Variants in ITGB1 observed in about 807,000 individuals in gnomAD.
ITGB1 encodes integrin subunit beta 1, also known as integrin beta-1.
A neutral mutation model predicts 86.5 loss-of-function variants in ITGB1; 24 were observed. The observed-to-expected ratio is 0.28, with a 90% confidence interval of 0.20 to 0.39. ITGB1 has a LOEUF of 0.39. Ranked by LOEUF, ITGB1 falls within the 10% of genes least tolerant of loss-of-function variation. The probability of loss-of-function intolerance (pLI) is 1.00; values close to 1 mark genes in which losing one functional copy is unlikely to be tolerated. For missense variants in ITGB1, 556 were observed against 946.9 expected, an observed-to-expected ratio of 0.59 and a Z score of 5.42; for synonymous variants, 323 against 316.8, an observed-to-expected ratio of 1.02 and a Z score of -0.21.
At chr10:32,913,525 C>A (rs1315220936) in intron 11 of ITGB1, among the ~76,000 whole-genome samples, 1 of 152,032 alleles carries the variant, frequency 6.6e-6, no homozygotes, top group African/African-American at 2.4e-5. Context: ...GATGCATGCA[C>A]AAGCTTCAGT....
chr10:32,917,606 T>C (rs1209495321), intron 11 of ITGB1, among the ~76,000 whole-genome samples: 1 of 152,180 alleles, frequency 6.6e-6, no homozygotes, highest in East Asian at 1.9e-4. Flanking sequence ...TCATCATCAC[T>C]GGCCATCAGA....
chr10:32,929,697 C>T, intron 4 of ITGB1, 125 bp downstream of exon 4: 3 of 660,932 alleles, frequency 4.5e-6, no homozygotes, highest in South Asian at 2.0e-5. Flanking sequence ...AACAATTCCA[C>T]ATTTTTGAGT....
Position 32,912,105 on chromosome 10 carries a change from C to G in ITGB1, c.1489G>C (p.Gly497Arg). 1.9e-6 allele frequency: 3 copies of G among 1,612,486 alleles called. No individual in the cohort carries two copies. Among genetic ancestry groups the G allele is most frequent in the African/African-American group, 1.3e-5 (1 of 74,980 alleles). The change falls in exon 12 of 16, where the codon GGT becomes CGT. Residue 497 changes from glycine (G) to arginine (R), a missense_variant. Transcript: ENST00000302278. ...TCTGTGCTGCATTCACAATGTCTAC[C>G]AACACGCCCTTCATTGCACCTGAAG... ...GACRCNEGRV[G>R]RHCECSTDEV... is the part of the protein sequence containing the mutation.
intron 1 of ITGB1, among the ~76,000 whole-genome samples, chr10:32,936,533 C>CA (rs1261008978): frequency 6.0e-5 from 9 of 150,130 alleles, no homozygotes; most frequent in African/African-American, 2.0e-4. Flanking sequence ...TCTCCCCCAA[C>CA]AAAAAAAAAG....
At chr10:32,909,460 C>G (rs931327905) in intron 14 of ITGB1, among the ~76,000 whole-genome samples, 2 of 152,018 alleles carry the variant, frequency 1.3e-5, no homozygotes, top group Non-Finnish European at 2.9e-5. Flanking sequence ...AAAGCAAGAG[C>G]CACAGAAGAA....
At chr10:32,953,036 T>C (rs2095045589) in intron 1 of ITGB1, among the ~76,000 whole-genome samples, 1 of 152,198 alleles carries the variant, frequency 6.6e-6, no homozygotes, top group Non-Finnish European at 1.5e-5. Flanking sequence ...ACATAACTCC[T>C]AATAGGTAAC....
intron 1 of ITGB1, chr10:32,944,648 T>C: frequency 3.2e-6 from 2 of 625,962 alleles, no homozygotes; most frequent in Non-Finnish European, 3.1e-6. Context: ...TAGCTAGCTG[T>C]TGGGTGGTTT....
At chr10:32,944,624 A>C in intron 1 of ITGB1, 1 of 597,158 alleles carries the variant, frequency 1.7e-6, no homozygotes, top group South Asian at 1.5e-5. Context: ...TGAGCTGAAA[A>C]ATCTCACTTA....
At position 32,926,114 on chromosome 10, in the gene ITGB1, C is replaced by CAAAAA; in HGVS notation, c.548-6_548-5insTTTTT. The CAAAAA allele has an allele frequency of 6.3e-7, 1 of 1,586,950 alleles. No individual in the cohort carries two copies. On this transcript the variant is annotated splice_region_variant and splice_polypyrimidine_tract_variant and intron_variant, in intron 5 of 15. Transcript: ENST00000302278. ...TTTCCACAAATGAGCCAAATCCTGCCAAGAAAAAAATGGTACATAAATGAA... is the reference window on the plus strand; with the variant it reads ...TTTCCACAAATGAGCCAAATCCTGCCAAAAAAAGAAAAAAATGGTACATAAATGAA...
intron 15 of ITGB1, among the ~76,000 whole-genome samples, chr10:32,903,370 AAAAG>A (rs1425444180): frequency 1.7e-4 from 26 of 151,440 alleles, no homozygotes; most frequent in African/African-American, 6.0e-4. Context: ...AAAAAAAAAA[AAAAG>A]AGGAAAAAAA....
At chr10:32,941,571 A>G (rs1214442702) in intron 1 of ITGB1, among the ~76,000 whole-genome samples, 3 of 152,166 alleles carry the variant, frequency 2.0e-5, no homozygotes, top group Admixed American at 2.0e-4. Context: ...TCCATTCTAT[A>G]AATAGGAAGG....
At chr10:32,956,606 G>A (rs2137275315) in intron 1 of ITGB1, among the ~76,000 whole-genome samples, 1 of 152,184 alleles carries the variant, frequency 6.6e-6, no homozygotes, top group African/African-American at 2.4e-5. Context: ...TACTCAAGAG[G>A]CTGAGGTGGA....
chr10:32,916,685 T>C (rs888527217), intron 11 of ITGB1, among the ~76,000 whole-genome samples: 1 of 151,920 alleles, frequency 6.6e-6, no homozygotes, highest in African/African-American at 2.4e-5. Flanking sequence ...CTCAACGAAA[T>C]AAAAGAGGAC....
At chr10:32,938,827 A>G (rs998557797) in intron 1 of ITGB1, among the ~76,000 whole-genome samples, 19 of 152,200 alleles carry the variant, frequency 1.2e-4, no homozygotes. Flanking sequence ...GATGACTCCA[A>G]TTAAGAACAC....
intron 7 of ITGB1, 112 bp downstream of exon 7, chr10:32,923,473 C>G (rs1298212120): frequency 1.0e-5 from 9 of 874,436 alleles, no homozygotes; most frequent in Non-Finnish European, 1.5e-5. Flanking sequence ...CTTACCAAAA[C>G]AGCAAAACCT....
At chr10:32,933,045 T>C (rs558110378) in intron 2 of ITGB1, among the ~76,000 whole-genome samples, 5 of 152,202 alleles carry the variant, frequency 3.3e-5, no homozygotes, top group African/African-American at 1.2e-4. Flanking sequence ...CACTCCCGAC[T>C]TCCTCCCCAC....
intron 1 of ITGB1, among the ~76,000 whole-genome samples, chr10:32,949,347 A>AT (rs970096691): frequency 2.0e-5 from 3 of 152,100 alleles, no homozygotes; most frequent in Admixed American, 2.0e-4. Context: ...TTAAACTGTA[A>AT]TTTTTTCAAA....
chr10:32,901,888 G>A (rs1186022267), intron 15 of ITGB1, among the ~76,000 whole-genome samples: 1 of 152,180 alleles, frequency 6.6e-6, no homozygotes, highest in Non-Finnish European at 1.5e-5. Context: ...TCCTCCACTG[G>A]AGGCTTGATT....
chr10:32,944,385 T>C (rs2095026162), intron 1 of ITGB1: 1 of 258,294 alleles, frequency 3.9e-6, no homozygotes, highest in African/African-American at 2.3e-5. Context: ...GGCGTGGGCC[T>C]TGGTCTGTAA....
Sources: allele counts gnomAD v4.1 joint callset (sites outside exome capture counted in the v4.1 genomes callset), GRCh38; gene constraint gnomAD v4.1.1; transcripts MANE v1.5; gene names NCBI Gene and HGNC (gene_info 2026-07-23, HGNC 2026-07-21).